The following TNFSF4 variants were observed in gnomAD, a reference collection of about 807,000 sequenced individuals.
TNFSF4 encodes tumor necrosis factor ligand superfamily member 4.
A neutral mutation model predicts 7.3 loss-of-function variants in TNFSF4; 4 were observed. The ratio of observed to expected loss-of-function variants is 0.55; its 90% CI spans 0.27 to 1.25. TNFSF4 has a LOEUF of 1.25. Among genes scored for constraint, TNFSF4 ranks in the 50% most tolerant of loss-of-function variants. The pLI, the probability that TNFSF4 is intolerant of heterozygous loss-of-function variation, is 0.12. For missense variants in TNFSF4, 181 were observed against 208.8 expected, an observed-to-expected ratio of 0.87 and a Z score of 0.82; for synonymous variants, 76 against 83.7, an observed-to-expected ratio of 0.91 and a Z score of 0.50.
At chr1:173,303,144 T>G in the TNFSF4 span, among the ~76,000 whole-genome samples, 1 of 151,864 alleles carries the variant, frequency 6.6e-6, no homozygotes, top group South Asian at 2.1e-4. Flanking sequence ...TTTTAAGGAT[T>G]CAGGGTGGGA....
chr1:173,440,264 TATTTTGTTA>T, the TNFSF4 span, among the ~76,000 whole-genome samples: 4 of 152,206 alleles, frequency 2.6e-5, no homozygotes, highest in Non-Finnish European at 5.9e-5. Context: ...TTCCATGACA[TATTTTGTTA>T]ATATGGGTTT....
chr1:173,323,053 T>A, the TNFSF4 span, among the ~76,000 whole-genome samples: 32 of 152,300 alleles, frequency 2.1e-4, no homozygotes, highest in African/African-American at 7.2e-4. Context: ...TCTCCCAGCA[T>A]GCAGCTTGAG....
At chr1:173,286,834 C>T in the TNFSF4 span, among the ~76,000 whole-genome samples, 4 of 151,766 alleles carry the variant, frequency 2.6e-5, no homozygotes, top group Admixed American at 6.6e-5. Context: ...AGTTTCCATA[C>T]GTACATCTAA....
At chr1:173,302,788 A>T in the TNFSF4 span, among the ~76,000 whole-genome samples, 3 of 151,876 alleles carry the variant, frequency 2.0e-5, no homozygotes, top group Non-Finnish European at 4.4e-5. Flanking sequence ...CTCCAGAGGA[A>T]AATCACATGG....
At chr1:173,369,322 C>G in the TNFSF4 span, among the ~76,000 whole-genome samples, 1 of 152,142 alleles carries the variant, frequency 6.6e-6, no homozygotes. Context: ...GAGAATGCGT[C>G]AGTAAGGACA....
At chr1:173,416,571 C>T in the TNFSF4 span, among the ~76,000 whole-genome samples, 2 of 131,642 alleles carry the variant, frequency 1.5e-5, no homozygotes, top group African/African-American at 5.5e-5. Context: ...AACATTGCTT[C>T]CTTTCACTGA....
the TNFSF4 span, among the ~76,000 whole-genome samples, chr1:173,394,552 A>AGGG: frequency 1.3e-5 from 2 of 152,232 alleles, no homozygotes; most frequent in Non-Finnish European, 2.9e-5. Flanking sequence ...TGGACTAAGT[A>AGGG]AAGCAGATTG....
chr1:173,427,572 A>G, the TNFSF4 span, among the ~76,000 whole-genome samples: 1 of 152,224 alleles, frequency 6.6e-6, no homozygotes, highest in African/African-American at 2.4e-5. Context: ...AGATTTTTCT[A>G]CCATGTATGA....
chr1:173,357,815 G>A, the TNFSF4 span, among the ~76,000 whole-genome samples: 3 of 152,126 alleles, frequency 2.0e-5, no homozygotes, highest in South Asian at 2.1e-4. Flanking sequence ...GATTACAGGC[G>A]GGAGCCACTG....
chr1:173,294,340 A>G, the TNFSF4 span, among the ~76,000 whole-genome samples: 1 of 152,064 alleles, frequency 6.6e-6, no homozygotes, highest in Non-Finnish European at 1.5e-5. Flanking sequence ...TCCTAAGTAA[A>G]CTAGCGCAGG....
At chr1:173,260,964 G>T in the TNFSF4 span, among the ~76,000 whole-genome samples, 4 of 152,144 alleles carry the variant, frequency 2.6e-5, no homozygotes, top group African/African-American at 9.7e-5. Context: ...TTCAGGGCTT[G>T]AACTCAGCTC....
chr1:173,421,357 G>A, the TNFSF4 span, among the ~76,000 whole-genome samples: 2 of 151,888 alleles, frequency 1.3e-5, no homozygotes, highest in African/African-American at 4.8e-5. Context: ...TATGGATAAG[G>A]AAACTGAACC....
downstream of TNFSF4, among the ~76,000 whole-genome samples, chr1:173,180,020 A>T (rs146925821): frequency 5.3e-4 from 80 of 152,324 alleles, no homozygotes; most frequent in African/African-American, 1.7e-3. Context: ...GCCTCTTTCC[A>T]ATTTCAAGTA....
chr1:173,414,458 T>C, the TNFSF4 span, among the ~76,000 whole-genome samples: 1 of 152,282 alleles, frequency 6.6e-6, no homozygotes, highest in East Asian at 1.9e-4. Context: ...AATGAATTAT[T>C]GGGGGACGCA....
the TNFSF4 span, among the ~76,000 whole-genome samples, chr1:173,326,429 T>C: frequency 2.6e-5 from 4 of 152,164 alleles, no homozygotes; most frequent in South Asian, 2.1e-4. Flanking sequence ...GGACAAAAAC[T>C]GGAACCATTC....
chr1:173,409,062 C>A, the TNFSF4 span, among the ~76,000 whole-genome samples: 9 of 152,126 alleles, frequency 5.9e-5, no homozygotes, highest in African/African-American at 2.2e-4. Flanking sequence ...CTGTAGGATG[C>A]AATGAGAAGA....
At chr1:173,329,720 G>A in the TNFSF4 span, among the ~76,000 whole-genome samples, 16 of 151,980 alleles carry the variant, frequency 1.1e-4, no homozygotes, top group Admixed American at 3.9e-4. Context: ...ATATTAGGCC[G>A]TAGGATAGGT....
chr1:173,375,487 A>G, the TNFSF4 span, among the ~76,000 whole-genome samples: 1 of 152,214 alleles, frequency 6.6e-6, no homozygotes, highest in African/African-American at 2.4e-5. Context: ...TCTGTCTTAC[A>G]AGAGGATTGT....
chr1:173,293,909 A>G, the TNFSF4 span, among the ~76,000 whole-genome samples: 1 of 152,158 alleles, frequency 6.6e-6, no homozygotes, highest in Admixed American at 6.6e-5. Context: ...CAAAACCACA[A>G]TGAGATACTG....
Sources: allele counts gnomAD v4.1 joint callset (sites outside exome capture counted in the v4.1 genomes callset), GRCh38; gene constraint gnomAD v4.1.1; transcripts MANE v1.5; gene names NCBI Gene and HGNC (gene_info 2026-07-23, HGNC 2026-07-21).